Variants in MICALL1 observed in about 807,000 individuals in gnomAD.
The protein encoded by MICALL1 is MICAL-like protein 1.
Under a neutral mutation model 83.7 loss-of-function variants are expected in MICALL1, and 61 were observed. That is an observed-to-expected ratio of 0.73 (90% CI 0.59 to 0.90). The LOEUF is 0.90. MICALL1 is among the 40% of genes least tolerant of loss of function. The pLI is 0.00. For synonymous variants in MICALL1, 481 were observed against 473.6 expected, an observed-to-expected ratio of 1.02 and a Z score of -0.20; for missense variants, 1,066 against 1,152.0, an observed-to-expected ratio of 0.93 and a Z score of 1.08.
Position 37,932,739 on chromosome 22 carries a change from C to T in MICALL1, c.2144-59C>T, listed in dbSNP as rs532196322. The T allele has an allele frequency of 2.9e-5, 47 of 1,612,740 alleles. No individual in the cohort carries two copies. The highest frequency in any genetic ancestry group is 8.3e-5 in the Admixed American group (5 of 59,902). On this transcript the variant is annotated intron_variant, in intron 11 of 15. Transcript: ENST00000215957. The surrounding 1 kb of genome is among the most constrained non-coding windows in gnomAD (Gnocchi z 4.4). The stretch of plus-strand genomic sequence containing the variant: ...GCTGGGGGCAGGAGCCTCTATTCCC[C>T]GGGGAACTGAGCCAGGCATGGCAGC...
rs1447374428 is a variant in MICALL1 at position 37,942,817 on chromosome 22, A to G, written c.*1987A>G. The G allele has an allele frequency of 2.0e-5, 3 of 152,234 alleles. No individual in the cohort carries two copies. The highest frequency in any genetic ancestry group is 6.5e-5 in the Admixed American group (1 of 15,270). 9.4% of individuals were successfully genotyped at this position (152,234 alleles called of 1,614,324 possible). A position where few individuals can be genotyped will look rare whatever the true frequency, so the allele number is the denominator to read the frequency against. ...CGCCCGGCCACTAGCCTGAATTTCAATCAAGGGTTGGCTGATACTGTGTGT... is the reference window on the plus strand; with the variant it reads ...CGCCCGGCCACTAGCCTGAATTTCAGTCAAGGGTTGGCTGATACTGTGTGT... On this transcript the variant is annotated 3_prime_UTR_variant, in exon 16 of 16. Coordinates refer to ENST00000215957, the MANE Select transcript of MICALL1 (RefSeq NM_033386.4).
At chr22:37,922,846 C>T (rs1408990469) in intron 6 of MICALL1, among the ~76,000 whole-genome samples, 2 of 126,650 alleles carry the variant, frequency 1.6e-5, no homozygotes, top group Admixed American at 1.9e-4. Context: ...CCATGTTGGT[C>T]AAGCTGGTGT....
chr22:37,928,008 C>T (rs891518456), intron 9 of MICALL1, among the ~76,000 whole-genome samples, 182 bp downstream of exon 9: 4 of 152,052 alleles, frequency 2.6e-5, no homozygotes, highest in South Asian at 4.1e-4. Flanking sequence ...CCTGGGTTCA[C>T]GCCATTCTCC....
intron 8 of MICALL1, 166 bp from the exon 9 acceptor site, chr22:37,927,245 C>G (rs1276922941): frequency 5.1e-6 from 4 of 785,038 alleles, no homozygotes; most frequent in Non-Finnish European, 7.6e-6. Context: ...TCATGACTTC[C>G]GTCCTGCCGG....
chr22:37,916,135 G>C (rs991191450), intron 3 of MICALL1, among the ~76,000 whole-genome samples: 2 of 152,146 alleles, frequency 1.3e-5, no homozygotes, highest in Non-Finnish European at 1.5e-5. Flanking sequence ...CAGCTCATTC[G>C]TTGGCCCTCT....
Sources: allele counts gnomAD v4.1 joint callset (sites outside exome capture counted in the v4.1 genomes callset), GRCh38; gene constraint gnomAD v4.1.1; non-coding constraint Gnocchi (gnomAD v3.1); transcripts MANE v1.5; gene names NCBI Gene and HGNC (gene_info 2026-07-23, HGNC 2026-07-21).